The following PKN2 variants were observed in gnomAD, a reference collection of about 807,000 sequenced individuals.
The protein encoded by PKN2 is serine/threonine-protein kinase N2.
A neutral mutation model predicts 119.1 loss-of-function variants in PKN2; 38 were observed. The observed-to-expected ratio is 0.32, with a 90% confidence interval of 0.25 to 0.42. The LOEUF is 0.42. Ranked by LOEUF, PKN2 falls within the 10% of genes least tolerant of loss-of-function variation. The pLI is 1.00. For synonymous variants in PKN2, 390 were observed against 384.9 expected, an observed-to-expected ratio of 1.01 and a Z score of -0.15; for missense variants, 850 against 1,165.1, an observed-to-expected ratio of 0.73 and a Z score of 3.94.
chr1:88,763,489 C>A (rs1669529555), intron 3 of PKN2, among the ~76,000 whole-genome samples: 1 of 152,028 alleles, frequency 6.6e-6, no homozygotes, highest in Non-Finnish European at 1.5e-5. Flanking sequence ...TGCCTGTAAT[C>A]CCAGCTACTT....
intron 8 of PKN2, among the ~76,000 whole-genome samples, chr1:88,791,698 T>G (rs1160164902): frequency 2.0e-5 from 3 of 152,144 alleles, no homozygotes; most frequent in Admixed American, 2.0e-4. Context: ...AAAGAAGGAA[T>G]GGGCTATGTT....
chr1:88,784,716 G>T lies in PKN2; in HGVS notation c.1063G>T (p.Ala355Ser). The T allele has an allele frequency of 6.2e-7, 1 of 1,612,518 alleles. No individual in the cohort carries two copies. Among genetic ancestry groups the T allele is most frequent in the Non-Finnish European group, 8.5e-7 (1 of 1,179,042 alleles). Reference sequence around the variant, plus strand: ...TGGACGGTCAAAAGCAACATCAGTTGCACTGCCTGGTTGGAGTCCAAGTGA... The same window carrying T: ...TGGACGGTCAAAAGCAACATCAGTTTCACTGCCTGGTTGGAGTCCAAGTGA... ...VPGRSKATSV[A>S]LPGWSPSETR... The change falls in exon 7 of 22, where the codon GCA becomes TCA. Residue 355 changes from alanine (A) to serine (S), a missense_variant. By Grantham distance (99) the Ala-to-Ser change is moderately conservative. Around this residue, in one of 9 missense-constraint regions of PKN2, gnomAD observed 350 missense variants for 511.1 expected, o/e 0.68. Coordinates refer to ENST00000370521, the MANE Select transcript of PKN2 (RefSeq NM_006256.4).
chr1:88,743,979 T>A (rs2100750312), intron 2 of PKN2, among the ~76,000 whole-genome samples: 1 of 152,306 alleles, frequency 6.6e-6, no homozygotes, highest in East Asian at 1.9e-4. Flanking sequence ...ATAAACTTGA[T>A]AAGTTCGTCA....
chr1:88,806,876 C>G (rs779878427), intron 12 of PKN2, among the ~76,000 whole-genome samples: 1 of 151,938 alleles, frequency 6.6e-6, no homozygotes, highest in Non-Finnish European at 1.5e-5. Flanking sequence ...TGCACCACCA[C>G]GCCCACTAGT....
intron 2 of PKN2, among the ~76,000 whole-genome samples, chr1:88,742,868 T>G (rs1017265209): frequency 2.0e-5 from 3 of 152,172 alleles, no homozygotes; most frequent in African/African-American, 7.2e-5. Context: ...GAGGAGCCCA[T>G]TTGGTTTCCC....
intron 1 of PKN2, among the ~76,000 whole-genome samples, chr1:88,714,837 C>T (rs1004577012): frequency 2.0e-5 from 3 of 152,266 alleles, no homozygotes; most frequent in Admixed American, 6.5e-5. Flanking sequence ...GAGAGGGCAT[C>T]CCTGTCTTGT....
At chr1:88,731,766 G>A (rs1413066883) in intron 1 of PKN2, among the ~76,000 whole-genome samples, 3 of 152,146 alleles carry the variant, frequency 2.0e-5, no homozygotes, top group Non-Finnish European at 2.9e-5. Flanking sequence ...TGGGAACTGG[G>A]CCAGTGAGGA....
chr1:88,821,330 AC>A (rs1358409798), intron 16 of PKN2, among the ~76,000 whole-genome samples: 1 of 152,114 alleles, frequency 6.6e-6, no homozygotes, highest in African/African-American at 2.4e-5. Context: ...CTGGATCTCT[AC>A]CTACTTCTCC....
intron 6 of PKN2, among the ~76,000 whole-genome samples, chr1:88,782,792 A>C (rs746831804): frequency 6.6e-6 from 1 of 152,176 alleles, no homozygotes; most frequent in African/African-American, 2.4e-5. Context: ...GCTTGTAATA[A>C]TTTGTAACGC....
chr1:88,833,660 A>G lies in PKN2; in HGVS notation c.*212A>G, dbSNP rs1672823455. 1.9e-6 allele frequency: 1 copy of G among 522,578 alleles called. No individual in the cohort carries two copies. The highest frequency in any genetic ancestry group is 2.6e-5 in the South Asian group (1 of 38,310). 32.4% of individuals were successfully genotyped at this position (522,578 alleles called of 1,614,324 possible). A position where few individuals can be genotyped will look rare whatever the true frequency, so the allele number is the denominator to read the frequency against. ...TTCAGCGTAAATATGAGCACTGGAA[A>G]CAGTTTCATGGAGTTTAAGTTGAGT... On this transcript the variant is annotated 3_prime_UTR_variant, in exon 22 of 22. Transcript: ENST00000370521.
chr1:88,829,450 G>A (rs1672643378), intron 19 of PKN2: 1 of 207,386 alleles, frequency 4.8e-6, no homozygotes, highest in Admixed American at 5.6e-5. Context: ...AATGAAAGAA[G>A]TGTTACCTTA....
At chr1:88,687,518 C>T (rs1257733346) in intron 1 of PKN2, among the ~76,000 whole-genome samples, 4 of 152,130 alleles carry the variant, frequency 2.6e-5, no homozygotes, top group Non-Finnish European at 5.9e-5. Flanking sequence ...TAAAGAATCT[C>T]AGAATGAAAG....
At chr1:88,716,749 G>A (rs760596614) in intron 1 of PKN2, among the ~76,000 whole-genome samples, 3 of 152,142 alleles carry the variant, frequency 2.0e-5, no homozygotes, top group East Asian at 3.9e-4. Flanking sequence ...TGTTTATCCA[G>A]TTTGCCAGTC....
At chr1:88,820,229 TATATAAATAGAAAAAAATA>T (rs1672211392) in intron 16 of PKN2, among the ~76,000 whole-genome samples, 1 of 41,908 alleles carries the variant, frequency 2.4e-5, no homozygotes, top group African/African-American at 1.0e-4. Context: ...TATATATATA[TATATAAATAGAAAAAAATA>T]AAAATGCGAG....
intron 1 of PKN2, among the ~76,000 whole-genome samples, chr1:88,730,861 C>T (rs1026285246): frequency 2.0e-5 from 3 of 152,158 alleles, no homozygotes; most frequent in Non-Finnish European, 4.4e-5. Flanking sequence ...ATGAGGAAAT[C>T]GAAGCTTTAG....
chr1:88,765,610 T>A (rs958993437), intron 3 of PKN2, among the ~76,000 whole-genome samples: 34 of 152,294 alleles, frequency 2.2e-4, no homozygotes, highest in African/African-American at 8.2e-4. Flanking sequence ...TACCCTTGAG[T>A]TCTTTAGTGG....
chr1:88,684,385 C>T lies in PKN2; in HGVS notation c.-196C>T. 3.8e-6 allele frequency: 2 copies of T among 524,742 alleles called. No individual in the cohort carries two copies. The highest frequency in any genetic ancestry group is 3.8e-5 in the Admixed American group (1 of 26,074). The allele number at this position is 524,742 out of a possible 1,614,324, so 32.5% of individuals were successfully genotyped here. ...GCGAGAGGAAGCCCGCTACGAGTGC[C>T]CTAGCTCCCCGCCGCTCTCGATGAA... is the stretch of plus-strand genomic sequence containing the variant. On this transcript the variant is annotated 5_prime_UTR_variant, in exon 1 of 22. Transcript: ENST00000370521.
At chr1:88,785,100 A>G (rs1277486639) in intron 7 of PKN2, among the ~76,000 whole-genome samples, 1 of 152,162 alleles carries the variant, frequency 6.6e-6, no homozygotes, top group African/African-American at 2.4e-5. Flanking sequence ...TACAGAAGCT[A>G]TGAGACTGGT....
intron 8 of PKN2, among the ~76,000 whole-genome samples, chr1:88,801,177 G>A (rs1033201970): frequency 2.0e-5 from 3 of 152,138 alleles, no homozygotes; most frequent in African/African-American, 7.2e-5. Context: ...CTGAGGTCAG[G>A]AGTTCGAGAC....
Sources: gnomAD v4.1 joint callset for allele counts (sites outside exome capture counted in the v4.1 genomes callset) on GRCh38, gnomAD v4.1.1 for gene constraint, gnomAD v4.1.1 regional missense constraint, MANE v1.5 for transcripts, NCBI Gene and HGNC (gene_info 2026-07-23, HGNC 2026-07-21) for gene names.